The following NUP188 variants were observed in gnomAD, a reference collection of about 807,000 sequenced individuals.
NUP188 encodes the protein nucleoporin NUP188.
In NUP188, 97 loss-of-function variants were observed where a neutral mutation model predicts 223.0. The ratio of observed to expected loss-of-function variants is 0.43; its 90% confidence interval spans 0.37 to 0.51. The LOEUF (loss-of-function observed/expected upper bound fraction) is 0.51. Ranked by LOEUF, NUP188 falls within the 20% of genes least tolerant of loss-of-function variation. NUP188 has a pLI of 0.00. For synonymous variants in NUP188, 869 were observed against 828.0 expected (o/e 1.05, Z -0.85); for missense variants, 1,947 against 2,175.6 (o/e 0.89, Z 2.09).
intron 30 of NUP188, among the ~76,000 whole-genome samples, chr9:128,995,841 G>A (rs781194897): frequency 5.9e-5 from 9 of 152,154 alleles, no homozygotes; most frequent in South Asian, 2.1e-4. Context: ...CTGTCTTCTC[G>A]TGCTGTGTAC....
Position 128,999,726 on chromosome 9 carries a change from T to C in NUP188, c.3764T>C (p.Leu1255Ser), listed in dbSNP as rs1313941603. ...LFDQTRHSLALGSATEDKDSM... is the reference protein window; with the variant it reads ...LFDQTRHSLASGSATEDKDSM... ...GACCAGACCCGCCACAGTCTGGCAT[T>C]AGGCAGTGCCACAGAGGACAAGGAC... Residue 1255 changes from leucine (L) to serine (S), a missense_variant, in exon 34 of 44, where the codon TTA becomes TCA. Coordinates refer to ENST00000372577, the MANE Select transcript of NUP188 (RefSeq NM_015354.3). The C allele has an allele frequency of 6.2e-7, 1 of 1,614,188 alleles. No individual in the cohort carries two copies. The highest frequency in any genetic ancestry group is 1.3e-5 in the African/African-American group (1 of 75,040).
intron 1 of NUP188, chr9:128,948,711 C>CTTTTTTTTTTTTTTTT (rs56052652): frequency 1.6e-5 from 1 of 61,066 alleles, no homozygotes; most frequent in Non-Finnish European, 3.2e-5. Flanking sequence ...GTTTTCCCCA[C>CTTTTTTTTTTTTTTTT]TTTTTTTTTT....
In NUP188 at chr9:129,001,721, A is replaced by T; in HGVS notation, c.4036A>T (p.Thr1346Ser). ...TLHLLLTLAR[T>S]QQGATAVAGA... ...GCATCTGCTCCTCACCCTGGCTCGCACTCAGCAGGTAGGAGGCCAGCCCGA... is the reference window on the plus strand; with the variant it reads ...GCATCTGCTCCTCACCCTGGCTCGCTCTCAGCAGGTAGGAGGCCAGCCCGA... The change falls in exon 35 of 44, where the codon ACT becomes TCT. Residue 1346 changes from threonine to serine, a missense_variant. Physicochemically the swap from Thr to Ser is moderately conservative, Grantham distance 58. Transcript: ENST00000372577. 6.8e-6 allele frequency: 11 copies of T among 1,613,468 alleles called. No homozygotes were observed. Among genetic ancestry groups the T allele is most frequent in the Non-Finnish European group, 9.3e-6 (11 of 1,179,860 alleles).
chr9:128,973,213 G>C lies in NUP188; in HGVS notation c.1167G>C (p.Leu389=). Residue 389 remains leucine (L), a synonymous_variant, in exon 12 of 44, where the codon CTG becomes CTC. Coordinates refer to ENST00000372577, the MANE Select transcript of NUP188 (RefSeq NM_015354.3). ...TCTATGGACTGCTCTCTTTCGTTCT[G>C]ACCTCGTTGGAGCTGCACACCCTGG... ...MCVYGLLSFV[L]TSLELHTLGN... 6.2e-7 allele frequency: 1 copy of C among 1,613,468 alleles called. No homozygotes were observed. Among genetic ancestry groups the C allele is most frequent in the Non-Finnish European group, 8.5e-7 (1 of 1,179,934 alleles).
At chr9:128,970,334 G>A (rs1035319883) in intron 10 of NUP188, among the ~76,000 whole-genome samples, 2 of 152,062 alleles carry the variant, frequency 1.3e-5, no homozygotes, top group Non-Finnish European at 2.9e-5. Context: ...TCATGGAGAT[G>A]GTACAAGGAC....
chr9:128,957,173 G>T, intron 5 of NUP188, 141 bp downstream of exon 5: 1 of 561,666 alleles, frequency 1.8e-6, no homozygotes, highest in Non-Finnish European at 3.2e-6. Flanking sequence ...ACCTACTAAA[G>T]GCTTTAAAAA....
chr9:128,990,598 C>T (rs1842405692), intron 25 of NUP188, among the ~76,000 whole-genome samples: 1 of 152,196 alleles, frequency 6.6e-6, no homozygotes, highest in Non-Finnish European at 1.5e-5. Context: ...GGCATGGTGG[C>T]TCACGCCTGT....
intron 12 of NUP188, among the ~76,000 whole-genome samples, chr9:128,973,597 G>T (rs1842132292): frequency 6.6e-6 from 1 of 152,118 alleles, no homozygotes; most frequent in Non-Finnish European, 1.5e-5. Flanking sequence ...CGACCAGGCT[G>T]GTCTTAAACT....
At position 128,977,723 on chromosome 9, in the gene NUP188, G is replaced by A. The variant is rs969163363; in HGVS notation, c.1204-1539G>A. 3.3e-5 allele frequency among the ~76,000 whole-genome samples: 5 copies of A among 151,834 alleles called. No individual in the cohort carries two copies. In the East Asian group the frequency reaches 7.8e-4, roughly 24 times the overall value. ...CTGAGGCAGGAGAATTGCTTAAACC[G>A]GGGAGGCGGAGGTTGCAGTGAGCCG... On this transcript the variant is annotated intron_variant, in intron 12 of 43. Coordinates refer to ENST00000372577, the MANE Select transcript of NUP188 (RefSeq NM_015354.3).
chr9:128,985,046 A>G (rs1033595407), intron 20 of NUP188, 32 bp downstream of exon 20: 6 of 1,481,248 alleles, frequency 4.1e-6, no homozygotes, highest in African/African-American at 1.4e-5. Flanking sequence ...AAAGGGCAGA[A>G]AAAGAAAAGG....
rs1334286292 is a variant in NUP188 at position 128,970,896 on chromosome 9, C to A, written c.1051C>A (p.Gln351Lys). ...CCGGAAGATAGGTGGCACAGCCATC[C>A]AGCTGAATGTGTTTCAGTACTTGAC... ...VVRKIGGTAI[Q>K]LNVFQYLTRL... The change falls in exon 11 of 44, where the codon CAG becomes AAG. Residue 351 changes from glutamine (Q) to lysine (K), a missense_variant. Physicochemically the swap from Gln to Lys is moderately conservative, Grantham distance 53. Transcript: ENST00000372577. 1 of 1,614,098 alleles carries A rather than the reference C, an allele frequency of 6.2e-7. No individual in the cohort carries two copies. Among genetic ancestry groups the A allele is most frequent in the Non-Finnish European group, 8.5e-7 (1 of 1,180,022 alleles).
chr9:128,953,108 A>G (rs2131137492), intron 3 of NUP188, among the ~76,000 whole-genome samples: 1 of 152,294 alleles, frequency 6.6e-6, no homozygotes, highest in East Asian at 1.9e-4. Context: ...CATTCAACGA[A>G]TTTTCTAATA....
chr9:128,956,942 T>G lies in NUP188; in HGVS notation c.247-10T>G. 1 of 1,596,918 alleles carries G rather than the reference T, an allele frequency of 6.3e-7. No individual in the cohort carries two copies. The highest frequency in any genetic ancestry group is 8.5e-7 in the Non-Finnish European group (1 of 1,170,276). On this transcript the variant is annotated splice_polypyrimidine_tract_variant and intron_variant, in intron 4 of 43. Coordinates refer to ENST00000372577, the MANE Select transcript of NUP188 (RefSeq NM_015354.3). ...TGAGCTGTTCCTTACTTAAAATCTC[T>G]GTGTTTCAGGGTCTTGATGAAGAAC...
intron 7 of NUP188, 35 bp downstream of exon 7, chr9:128,958,929 C>T: frequency 7.0e-7 from 1 of 1,432,720 alleles, no homozygotes; most frequent in Non-Finnish European, 9.5e-7. Flanking sequence ...TCTCTTTATA[C>T]TGTATCATCT....
At chr9:129,002,997 A>C in intron 37 of NUP188, 22 bp downstream of exon 37, 1 of 1,611,922 alleles carries the variant, frequency 6.2e-7, no homozygotes, top group Non-Finnish European at 8.5e-7. Context: ...CCTGCATTGC[A>C]GGGGTGGGAG....
Position 129,003,604 on chromosome 9 carries a change from T to C in NUP188, c.4434+150T>C, listed in dbSNP as rs1842717954. ...GAGCACAGGGTTTGCTGTCATGTGC[T>C]TACTCTGGCTAAATGTTTCCTTCCA... is the stretch of plus-strand genomic sequence containing the variant. On this transcript the variant is annotated intron_variant, in intron 38 of 43. Coordinates refer to ENST00000372577, the MANE Select transcript of NUP188 (RefSeq NM_015354.3). 3.3e-6 allele frequency: 3 copies of C among 906,656 alleles called. No homozygotes were observed. The African/African-American group carries it at 4.9e-5, about 15-fold the overall frequency. 56.2% of individuals were successfully genotyped at this position (906,656 alleles called of 1,614,324 possible). A position where few individuals can be genotyped will look rare whatever the true frequency, so the allele number is the denominator to read the frequency against.
In NUP188 at chr9:128,968,615, T is replaced by C. The variant is rs1408251376; in HGVS notation, c.695T>C (p.Leu232Ser). The change falls in exon 9 of 44, where the codon TTA becomes TCA. Residue 232 changes from leucine to serine, a missense_variant. Around this residue, in one of 3 missense-constraint regions of NUP188, gnomAD observed 817 missense variants for 865.8 expected, o/e 0.94. Coordinates refer to ENST00000372577, the MANE Select transcript of NUP188 (RefSeq NM_015354.3). ...TACTTTGAGATGGCACCCAGTGACT[T>C]ACTTGTATTAACCAAGATGTTTAAA... The part of the protein sequence containing the change: ...YAYFEMAPSD[L>S]LVLTKMFKEQ... The C allele has an allele frequency of 6.2e-7, 1 of 1,613,978 alleles. No individual in the cohort carries two copies. Among genetic ancestry groups the C allele is most frequent in the Non-Finnish European group, 8.5e-7 (1 of 1,179,928 alleles).
At chr9:128,957,749 C>T (rs1051371408) in intron 5 of NUP188, among the ~76,000 whole-genome samples, 1 of 152,160 alleles carries the variant, frequency 6.6e-6, no homozygotes, top group Non-Finnish European at 1.5e-5. Flanking sequence ...CAGGCGTGAG[C>T]CACCGCACCC....
intron 3 of NUP188, 199 bp downstream of exon 3, chr9:128,953,045 C>G (rs1841816590): frequency 1.9e-6 from 1 of 528,102 alleles, no homozygotes. Flanking sequence ...TCTAGAAATA[C>G]AGTATTGTAG....
Sources: gnomAD v4.1 joint callset for allele counts (sites outside exome capture counted in the v4.1 genomes callset) on GRCh38, gnomAD v4.1.1 for gene constraint, gnomAD v4.1.1 regional missense constraint, MANE v1.5 for transcripts, NCBI Gene and HGNC (gene_info 2026-07-23, HGNC 2026-07-21) for gene names.